XKR3: variants seen among roughly 807,000 people sequenced by gnomAD.
XKR3 encodes XK related 3.
A neutral mutation model predicts 40.3 loss-of-function variants in XKR3; 27 were observed. The observed-to-expected ratio is 0.67, with a 90% CI of 0.49 to 0.92. The LOEUF (loss-of-function observed/expected upper bound fraction) is 0.92, where lower values mean the gene tolerates loss of function less well. Ranked by LOEUF, XKR3 falls within the 40% of genes least tolerant of loss-of-function variation. XKR3 has a pLI of 0.00. For missense variants in XKR3, 472 were observed against 537.6 expected (o/e 0.88, Z 1.21); for synonymous variants, 193 against 195.4 (o/e 0.99, Z 0.10).
intron 1 of XKR3, among the ~76,000 whole-genome samples, chr22:16,810,762 T>G (rs560146707): frequency 1.3e-5 from 2 of 152,310 alleles, no homozygotes; most frequent in South Asian, 2.1e-4. Flanking sequence ...CCTTATAATG[T>G]AACAAAAACA....
At chr22:16,816,171 T>C (rs2060232394) in intron 1 of XKR3, among the ~76,000 whole-genome samples, 1 of 152,008 alleles carries the variant, frequency 6.6e-6, no homozygotes, top group Non-Finnish European at 1.5e-5. Context: ...GATTACTCTC[T>C]TATCTACATA....
chr22:16,801,318 C>T (rs985936153), intron 2 of XKR3, among the ~76,000 whole-genome samples: 13 of 152,070 alleles, frequency 8.5e-5, no homozygotes, highest in African/African-American at 2.7e-4. Context: ...CAAGAAGGGG[C>T]GGATCCCTTG....
Position 16,825,311 on chromosome 22 carries a change from A to C in XKR3, c.-31T>G, listed in dbSNP as rs2060268932. On this transcript the variant is annotated 5_prime_UTR_variant, in exon 1 of 4. Coordinates refer to ENST00000684488, the MANE Select transcript of XKR3 (RefSeq NM_001386955.1). ...CTTACCTTGCCTATTTGCCACCCTCACAGTTTTGAAACTCGTTCAAAAAGT... is the reference window on the plus strand; with the variant it reads ...CTTACCTTGCCTATTTGCCACCCTCCCAGTTTTGAAACTCGTTCAAAAAGT... 6.6e-6 allele frequency among the ~76,000 whole-genome samples: 1 copy of C among 152,208 alleles called. No individual in the cohort carries two copies. The highest frequency in any genetic ancestry group is 1.5e-5 in the Non-Finnish European group (1 of 68,038).
intron 3 of XKR3, among the ~76,000 whole-genome samples, chr22:16,796,812 C>A (rs1171090817): frequency 6.6e-6 from 1 of 152,278 alleles, no homozygotes; most frequent in Non-Finnish European, 1.5e-5. Flanking sequence ...AGAAAAAATT[C>A]TATTCTAAAT....
intron 2 of XKR3, among the ~76,000 whole-genome samples, chr22:16,804,415 T>C (rs534483138): frequency 1.2e-4 from 18 of 152,076 alleles, no homozygotes; most frequent in African/African-American, 1.9e-4. Context: ...ATGTTTTTTT[T>C]CCCCTCATGT....
At chr22:16,821,383 A>C (rs1341241222) in intron 1 of XKR3, among the ~76,000 whole-genome samples, 2 of 152,128 alleles carry the variant, frequency 1.3e-5, no homozygotes, top group South Asian at 4.1e-4. Context: ...TAAACAAAGC[A>C]TCTCAAAAAT....
intron 2 of XKR3, among the ~76,000 whole-genome samples, chr22:16,804,253 A>G (rs1328346907): frequency 6.6e-6 from 1 of 152,152 alleles, no homozygotes; most frequent in Non-Finnish European, 1.5e-5. Context: ...CCAAATCCCT[A>G]TATAAGGGGT....
intron 3 of XKR3, among the ~76,000 whole-genome samples, chr22:16,787,401 A>T (rs2060095185): frequency 6.6e-6 from 1 of 152,038 alleles, no homozygotes; most frequent in Non-Finnish European, 1.5e-5. Flanking sequence ...TCTACTAAAA[A>T]TACAAAAATT....
intron 1 of XKR3, among the ~76,000 whole-genome samples, chr22:16,822,625 T>G (rs2060261597): frequency 6.6e-6 from 1 of 152,164 alleles, no homozygotes; most frequent in South Asian, 2.1e-4. Context: ...AATAAAGCTG[T>G]GCACTACTAA....
At chr22:16,815,982 T>C (rs2060231676) in intron 1 of XKR3, among the ~76,000 whole-genome samples, 1 of 151,944 alleles carries the variant, frequency 6.6e-6, no homozygotes, top group Non-Finnish European at 1.5e-5. Flanking sequence ...TCTAAAATTC[T>C]CTTCTGTCTT....
At chr22:16,822,036 T>C (rs550879273) in intron 1 of XKR3, among the ~76,000 whole-genome samples, 1 of 152,256 alleles carries the variant, frequency 6.6e-6, no homozygotes, top group African/African-American at 2.4e-5. Context: ...CAAATGGCTG[T>C]GATAGGTGCC....
chr22:16,812,911 C>T (rs1376523408), intron 1 of XKR3, among the ~76,000 whole-genome samples: 1 of 152,092 alleles, frequency 6.6e-6, no homozygotes, highest in East Asian at 1.9e-4. Flanking sequence ...CAGACTCATA[C>T]AATATGAGGC....
intron 3 of XKR3, among the ~76,000 whole-genome samples, chr22:16,792,930 T>C (rs1007708958): frequency 6.6e-6 from 1 of 152,258 alleles, no homozygotes; most frequent in Non-Finnish European, 1.5e-5. Flanking sequence ...CTGGTTCAAC[T>C]AGTTATCTTC....
intron 3 of XKR3, among the ~76,000 whole-genome samples, chr22:16,788,014 C>G (rs1464199668): frequency 6.6e-6 from 1 of 152,068 alleles, no homozygotes; most frequent in Non-Finnish European, 1.5e-5. Flanking sequence ...AACTATCCAT[C>G]CAAGAGTTAT....
At chr22:16,791,779 GAGAGAGAGAGA>G in intron 3 of XKR3, among the ~76,000 whole-genome samples, 1 of 37,456 alleles carries the variant, frequency 2.7e-5, no homozygotes, top group East Asian at 6.4e-4. Context: ...GAGAGAGAGG[GAGAGAGAGAGA>G]GAGAGAGAGA....
rs371719637 is a variant in XKR3, at chr22:16,786,379, T to C, written c.590-1970A>G. 4.6e-4 allele frequency among the ~76,000 whole-genome samples: 70 copies of C among 152,172 alleles called. 1 individual carries two copies. In the South Asian group the frequency reaches 5.8e-3, roughly 13 times the overall value. ...GAGCCCAGGAAGAAAACATAGGACT[T>C]TCACTTGGGTCTTTATTTTTCTGTG... On this transcript the variant is annotated intron_variant, in intron 3 of 3. Transcript: ENST00000684488.
chr22:16,795,195 C>T (rs1298893130), intron 3 of XKR3, among the ~76,000 whole-genome samples: 1 of 152,072 alleles, frequency 6.6e-6, no homozygotes, highest in Non-Finnish European at 1.5e-5. Flanking sequence ...ACAAATCACA[C>T]AAAGCACACA....
In XKR3 at chr22:16,787,321, G is replaced by A. The variant is rs149433170; in HGVS notation, c.590-2912C>T. ...CACCTGTAATCGCAGCTATTTGGGAGGCGGAGGCGGGTGGATCACATGTGG... is the reference window on the plus strand; with the variant it reads ...CACCTGTAATCGCAGCTATTTGGGAAGCGGAGGCGGGTGGATCACATGTGG... On this transcript the variant is annotated intron_variant, in intron 3 of 3. Coordinates refer to ENST00000684488, the MANE Select transcript of XKR3 (RefSeq NM_001386955.1). 2.5e-3 allele frequency among the ~76,000 whole-genome samples: 384 copies of A among 152,188 alleles called. 1 individual carries two copies. The highest frequency in any genetic ancestry group is 8.9e-3 in the African/African-American group (368 of 41,522).
rs531639048 is a variant in XKR3 at position 16,810,774 on chromosome 22, A to G, written c.-10-2691T>C. 5.6e-4 allele frequency among the ~76,000 whole-genome samples: 85 copies of G among 152,332 alleles called. 2 individuals carry two copies. Among genetic ancestry groups the G allele is most frequent in the African/African-American group, 1.9e-3 (79 of 41,562 alleles). ...GGTCCTTATAATGTAACAAAAACAC[A>G]TAAGTAATTTTATTCTTATTCACTT... On this transcript the variant is annotated intron_variant, in intron 1 of 3. Transcript: ENST00000684488.
Sources: gnomAD v4.1 joint callset for allele counts (sites outside exome capture counted in the v4.1 genomes callset) on GRCh38, gnomAD v4.1.1 for gene constraint, MANE v1.5 for transcripts, NCBI Gene and HGNC (gene_info 2026-07-23, HGNC 2026-07-21) for gene names.